Variants in ARHGAP44 observed in about 807,000 individuals in gnomAD.
ARHGAP44 encodes Rho GTPase activating protein 44, also known as rho GTPase-activating protein 44.
In ARHGAP44, 43 loss-of-function variants were observed where a neutral mutation model predicts 106.8. The observed-to-expected ratio is 0.40, with a 90% CI of 0.32 to 0.52. The LOEUF (loss-of-function observed/expected upper bound fraction) is 0.52, where lower values mean the gene tolerates loss of function less well. Ranked by LOEUF, ARHGAP44 falls within the 20% of genes least tolerant of loss-of-function variation. ARHGAP44 has a pLI of 0.48. For missense variants in ARHGAP44, 866 were observed against 1,050.5 expected (o/e 0.82, Z 2.43); for synonymous variants, 439 against 410.3 (o/e 1.07, Z -0.85).
chr17:12,816,969 T>G (rs945332415), intron 1 of ARHGAP44, among the ~76,000 whole-genome samples: 3 of 152,164 alleles, frequency 2.0e-5, no homozygotes, highest in African/African-American at 7.2e-5. Context: ...GGATACATAT[T>G]CTTTTCTAGT....
At chr17:12,802,956 TATATATA>T (rs2034154142) in intron 1 of ARHGAP44, among the ~76,000 whole-genome samples, 3 of 25,862 alleles carry the variant, frequency 1.2e-4, no homozygotes, top group African/African-American at 8.3e-4. Context: ...TATATATATA[TATATATA>T]TATATATTTT....
At chr17:12,974,613 G>A (rs1039414724) in intron 18 of ARHGAP44, among the ~76,000 whole-genome samples, 1 of 152,034 alleles carries the variant, frequency 6.6e-6, no homozygotes, top group Non-Finnish European at 1.5e-5. Flanking sequence ...CTCTGTCTTT[G>A]TCGTTACAGT....
intron 1 of ARHGAP44, among the ~76,000 whole-genome samples, chr17:12,865,676 C>T (rs2036218966): frequency 6.6e-6 from 1 of 151,662 alleles, no homozygotes; most frequent in East Asian, 1.9e-4. Flanking sequence ...ATAGTCCCAG[C>T]TACTTGGGAG....
chr17:12,881,261 T>G (rs1181014945), intron 1 of ARHGAP44, among the ~76,000 whole-genome samples: 1 of 152,136 alleles, frequency 6.6e-6, no homozygotes, highest in East Asian at 1.9e-4. Flanking sequence ...TATAAGATAT[T>G]CTATATTTTT....
chr17:12,828,862 C>T (rs796304247), intron 1 of ARHGAP44, among the ~76,000 whole-genome samples: 2 of 151,832 alleles, frequency 1.3e-5, no homozygotes, highest in African/African-American at 4.8e-5. Context: ...AGGATGGTCT[C>T]GATCTCCTGA....
intron 20 of ARHGAP44, chr17:12,987,205 G>A: frequency 6.8e-7 from 1 of 1,460,310 alleles, no homozygotes; most frequent in Non-Finnish European, 9.2e-7. Flanking sequence ...CAGGCCAGCT[G>A]CCCGCTCCTC....
chr17:12,989,876 C>T (rs371207666), intron 20 of ARHGAP44, among the ~76,000 whole-genome samples, 156 bp from the exon 21 acceptor site: 1 of 152,160 alleles, frequency 6.6e-6, no homozygotes, highest in African/African-American at 2.4e-5. Context: ...ACAACCTGAT[C>T]GACTGTGCAA....
chr17:12,810,233 T>C (rs78549290), intron 1 of ARHGAP44, among the ~76,000 whole-genome samples: 3,471 of 152,302 alleles, frequency 0.023, 135 homozygotes, highest in African/African-American at 0.079. Context: ...ACTGGGTGGC[T>C]TAAAACAAAC....
intron 10 of ARHGAP44, among the ~76,000 whole-genome samples, chr17:12,948,889 G>C (rs1386477170): frequency 6.6e-6 from 1 of 152,150 alleles, no homozygotes; most frequent in African/African-American, 2.4e-5. Context: ...TAGTTACTGA[G>C]CCAGTGTGAT....
intron 6 of ARHGAP44, among the ~76,000 whole-genome samples, 170 bp from the exon 7 acceptor site, chr17:12,928,759 G>C (rs558274289): frequency 3.9e-5 from 6 of 152,112 alleles, no homozygotes; most frequent in African/African-American, 9.7e-5. Context: ...TGGAAATATG[G>C]GCCCACTGTC....
intron 4 of ARHGAP44, among the ~76,000 whole-genome samples, chr17:12,911,559 G>C (rs541901850): frequency 3.0e-4 from 45 of 152,284 alleles, no homozygotes; most frequent in African/African-American, 1.1e-3. Context: ...GTGGGTCTTT[G>C]GGGGTGGAGT....
intron 1 of ARHGAP44, among the ~76,000 whole-genome samples, chr17:12,893,904 T>C (rs1364594486): frequency 6.6e-6 from 1 of 152,158 alleles, no homozygotes; most frequent in Non-Finnish European, 1.5e-5. Context: ...ACTTTTACCA[T>C]GTTATTCTGA....
intron 6 of ARHGAP44, among the ~76,000 whole-genome samples, chr17:12,926,500 TATATATATTATATATGC>T (rs2038249393): frequency 1.4e-5 from 2 of 143,240 alleles, no homozygotes; most frequent in East Asian, 4.2e-4. Context: ...ATAATATATG[TATATATATTATATATGC>T]ATATATATTA....
rs773023494 is a variant in ARHGAP44, at chr17:12,980,105, G to T, written c.1811G>T (p.Ser604Ile). Residue 604 changes from serine (S) to isoleucine (I), a missense_variant, in exon 19 of 21, where the codon AGT (serine) becomes ATT (isoleucine). By Grantham distance (142) the Ser-to-Ile change is moderately radical. Coordinates refer to ENST00000379672, the MANE Select transcript of ARHGAP44 (RefSeq NM_014859.6). ...TCTCCAGGCTCTGCACAGAAAGGAAGTCCAGGCTCCAGCCAGGGCACAGCC... is the reference window on the plus strand; with the variant it reads ...TCTCCAGGCTCTGCACAGAAAGGAATTCCAGGCTCCAGCCAGGGCACAGCC... The part of the protein sequence containing the change: ...ELSPGSAQKG[S>I]PGSSQGTACA... 1 of 1,613,806 alleles carries T rather than the reference G, an allele frequency of 6.2e-7. No individual in the cohort carries two copies. The highest frequency in any genetic ancestry group is 2.2e-5 in the East Asian group (1 of 44,858).
intron 2 of ARHGAP44, among the ~76,000 whole-genome samples, chr17:12,896,140 A>C: frequency 6.6e-6 from 1 of 151,242 alleles, no homozygotes; most frequent in East Asian, 1.9e-4. Context: ...GGATAGCATT[A>C]GGAGATATAT....
rs1292125664 is a variant in ARHGAP44 at position 12,984,818 on chromosome 17, C to G, written c.2227C>G (p.Pro743Ala). ...GAGACCTACTCTGCCGCCTCCTCAG[C>G]CTCCCACAGTAAACCTCTCGGCCTC... The part of the protein sequence containing the change: ...RQRPTLPPPQ[P>A]PTVNLSASSP... The change falls in exon 20 of 21, where the codon CCT (proline) becomes GCT (alanine). Residue 743 changes from proline (P) to alanine (A), a missense_variant. Around this residue, in one of 2 missense-constraint regions of ARHGAP44, gnomAD observed 418 missense variants for 403.6 expected, o/e 1.04. Coordinates refer to ENST00000379672, the MANE Select transcript of ARHGAP44 (RefSeq NM_014859.6). 1.5e-5 allele frequency: 24 copies of G among 1,613,892 alleles called. No homozygotes were observed. The highest frequency in any genetic ancestry group is 1.9e-5 in the Non-Finnish European group (23 of 1,179,924).
chr17:12,952,431 G>A, intron 12 of ARHGAP44, 70 bp from the exon 13 acceptor site: 1 of 1,211,094 alleles, frequency 8.3e-7, no homozygotes, highest in South Asian at 1.3e-5. Context: ...ACAATGATTG[G>A]TTAATATGAT....
chr17:12,830,628 C>T (rs1319806684), intron 1 of ARHGAP44, among the ~76,000 whole-genome samples: 2 of 152,298 alleles, frequency 1.3e-5, no homozygotes, highest in East Asian at 3.9e-4. Context: ...TTAGGCAAGT[C>T]ATTTTATCCT....
chr17:12,857,977 A>G (rs1164755442), intron 1 of ARHGAP44, among the ~76,000 whole-genome samples: 1 of 152,068 alleles, frequency 6.6e-6, no homozygotes, highest in Non-Finnish European at 1.5e-5. Flanking sequence ...ATTGGCTGCC[A>G]CTAATCCTGC....
Sources: allele counts gnomAD v4.1 joint callset (sites outside exome capture counted in the v4.1 genomes callset), GRCh38; gene constraint gnomAD v4.1.1; regional missense constraint gnomAD v4.1.1; transcripts MANE v1.5; gene names NCBI Gene and HGNC (gene_info 2026-07-23, HGNC 2026-07-21).